TMTC3: variants seen among roughly 807,000 people sequenced by gnomAD.
TMTC3 encodes the protein protein O-mannosyl-transferase TMTC3.
In TMTC3, 52 loss-of-function variants were observed where a neutral mutation model predicts 92.2. The ratio of observed to expected loss-of-function variants is 0.56; its 90% CI spans 0.45 to 0.71. The LOEUF (loss-of-function observed/expected upper bound fraction) is 0.71. Among genes scored for constraint, TMTC3 ranks in the 30% least tolerant of loss-of-function variants. The pLI, the probability that TMTC3 is intolerant of heterozygous loss-of-function variation, is 0.00. For missense variants in TMTC3, 896 were observed against 1,057.1 expected, an observed-to-expected ratio of 0.85 and a Z score of 2.11; for synonymous variants, 339 against 363.3, an observed-to-expected ratio of 0.93 and a Z score of 0.76.
chr12:88,162,984 C>G (rs7954799), intron 6 of TMTC3, among the ~76,000 whole-genome samples: 1 of 150,594 alleles, frequency 6.6e-6, no homozygotes, highest in Admixed American at 6.6e-5. Flanking sequence ...GGCGCAATCT[C>G]GGCTCACCGC....
intron 6 of TMTC3, among the ~76,000 whole-genome samples, chr12:88,161,315 T>C (rs2041076629): frequency 6.6e-6 from 1 of 152,226 alleles, no homozygotes; most frequent in African/African-American, 2.4e-5. Context: ...TTTGTCATTA[T>C]TAAATGAGCT....
At chr12:88,175,045 A>G (rs1192014389) in intron 9 of TMTC3, among the ~76,000 whole-genome samples, 1 of 152,128 alleles carries the variant, frequency 6.6e-6, no homozygotes, top group East Asian at 1.9e-4. Context: ...TTCCTTTTTT[A>G]TATCTCTGAA....
In TMTC3 at chr12:88,196,847, T is replaced by G. The variant is rs914114763; in HGVS notation, c.*1198T>G. 1 of 151,870 alleles carries G rather than the reference T, an allele frequency of 6.6e-6. No homozygotes were observed. Among genetic ancestry groups the G allele is most frequent in the Non-Finnish European group, 1.5e-5 (1 of 67,796 alleles). The allele number at this position is 151,870 out of a possible 1,614,324, so 9.4% of individuals were successfully genotyped here. On this transcript the variant is annotated 3_prime_UTR_variant, in exon 14 of 14. Transcript: ENST00000266712. ...TCATTTTTGGCCTAATGTCTGGATA[T>G]AAAAGATAATTAGCCTACTATAGTA...
chr12:88,163,626 C>T (rs2041106112), intron 6 of TMTC3, among the ~76,000 whole-genome samples: 1 of 152,110 alleles, frequency 6.6e-6, no homozygotes, highest in Non-Finnish European at 1.5e-5. Flanking sequence ...CAGTCTTTGG[C>T]ATTCCTTGGC....
chr12:88,163,247 C>A (rs2041101329), intron 6 of TMTC3, among the ~76,000 whole-genome samples: 1 of 152,078 alleles, frequency 6.6e-6, no homozygotes, highest in Admixed American at 6.6e-5. Flanking sequence ...TTTTGTGGGA[C>A]CACAATAGCA....
intron 13 of TMTC3, among the ~76,000 whole-genome samples, chr12:88,194,108 G>C (rs2041476364): frequency 6.6e-6 from 1 of 152,034 alleles, no homozygotes; most frequent in African/African-American, 2.4e-5. Flanking sequence ...TGTAGTCCCA[G>C]CTACTCGGGA....
intron 11 of TMTC3, among the ~76,000 whole-genome samples, chr12:88,189,921 A>G (rs2041423701): frequency 6.6e-6 from 1 of 152,086 alleles, no homozygotes; most frequent in South Asian, 2.1e-4. Flanking sequence ...GATTAAAATA[A>G]TCCTTAAAAT....
chr12:88,145,165 C>T (rs752246556), intron 1 of TMTC3, among the ~76,000 whole-genome samples: 1 of 152,162 alleles, frequency 6.6e-6, no homozygotes, highest in Non-Finnish European at 1.5e-5. Context: ...TAGCTTACTT[C>T]TCCGATCTCT....
Position 88,183,474 on chromosome 12 carries a change from C to G in TMTC3, c.1433-5369C>G, listed in dbSNP as rs577213007. Among the ~76,000 whole-genome samples the G allele has an allele frequency of 2.6e-5, 4 of 152,304 alleles. No individual in the cohort carries two copies. In the South Asian group the frequency reaches 8.3e-4, roughly 32 times the overall value. On this transcript the variant is annotated intron_variant, in intron 10 of 13. Transcript: ENST00000266712. ...TAGCTATAGTGTATCCCTTGTCTTT[C>G]TTCCAATTTATTGGAGGAGGGGCCT...
Position 88,195,692 on chromosome 12 carries a change from C to A in TMTC3, c.*43C>A. 1 of 1,489,434 alleles carries A rather than the reference C, an allele frequency of 6.7e-7. No homozygotes were observed. The highest frequency in any genetic ancestry group is 9.0e-7 in the Non-Finnish European group (1 of 1,109,890). 92.3% of individuals were successfully genotyped at this position (1,489,434 alleles called of 1,614,324 possible). A position where few individuals can be genotyped will look rare whatever the true frequency, so the allele number is the denominator to read the frequency against. On this transcript the variant is annotated 3_prime_UTR_variant, in exon 14 of 14. Transcript: ENST00000266712. ...ACAATGGTATCAAAGAACATCAATC[C>A]GTATCATGTGATTGCTTTTACTGGG...
chr12:88,171,487 A>T (rs1205680877), intron 7 of TMTC3, among the ~76,000 whole-genome samples: 1 of 152,082 alleles, frequency 6.6e-6, no homozygotes, highest in Admixed American at 6.6e-5. Flanking sequence ...TATTTCTCTT[A>T]ACATGGTGTC....
chr12:88,191,051 A>C (rs963580902), intron 12 of TMTC3, among the ~76,000 whole-genome samples: 3 of 147,774 alleles, frequency 2.0e-5, no homozygotes, highest in African/African-American at 5.1e-5. Flanking sequence ...GGTTCTCAGC[A>C]AAAAAAAAAG....
rs145548996 is a variant in TMTC3 at position 88,180,830 on chromosome 12, A to G, written c.1432+4511A>G. 3.2e-3 allele frequency among the ~76,000 whole-genome samples: 493 copies of G among 152,246 alleles called. 5 individuals carry two copies. Among genetic ancestry groups the G allele is most frequent in the African/African-American group, 0.011 (474 of 41,542 alleles). On this transcript the variant is annotated intron_variant, in intron 10 of 13. Coordinates refer to ENST00000266712, the MANE Select transcript of TMTC3 (RefSeq NM_181783.4). ...CATTTGGACCACACCATACATTACT[A>G]TTTACATCTTTCCATAAAACCACAG... is the stretch of plus-strand genomic sequence containing the variant.
intron 7 of TMTC3, among the ~76,000 whole-genome samples, 165 bp from the exon 8 acceptor site, chr12:88,172,427 TTTAAA>T (rs1319698135): frequency 6.6e-6 from 1 of 151,898 alleles, no homozygotes; most frequent in Non-Finnish European, 1.5e-5. Context: ...CTTCTTTATG[TTTAAA>T]TTAATATTCT....
In TMTC3 at chr12:88,196,865, C is replaced by T. The variant is rs531717630; in HGVS notation, c.*1216C>T. ...CTGGATATAAAAGATAATTAGCCTACTATAGTATTAATAAATTTTTCAGTT... is the reference window on the plus strand; with the variant it reads ...CTGGATATAAAAGATAATTAGCCTATTATAGTATTAATAAATTTTTCAGTT... On this transcript the variant is annotated 3_prime_UTR_variant, in exon 14 of 14. Transcript: ENST00000266712. 16 of 151,630 alleles carry T rather than the reference C, an allele frequency of 1.1e-4. No homozygotes were observed. The highest frequency in any genetic ancestry group is 1.9e-4 in the Non-Finnish European group (13 of 67,772). The allele number at this position is 151,630 out of a possible 1,614,324, so 9.4% of individuals were successfully genotyped here. A position where few individuals can be genotyped will look rare whatever the true frequency, so the allele number is the denominator to read the frequency against.
chr12:88,160,055 T>A, intron 4 of TMTC3, 59 bp from the exon 5 acceptor site: 1 of 1,144,828 alleles, frequency 8.7e-7, no homozygotes, highest in Non-Finnish European at 1.3e-6. Flanking sequence ...TAAAATATCT[T>A]TTTTTGATAT....
intron 7 of TMTC3, among the ~76,000 whole-genome samples, chr12:88,170,059 A>C (rs550021630): frequency 6.6e-6 from 1 of 152,302 alleles, no homozygotes; most frequent in Admixed American, 6.5e-5. Context: ...TCTTTCTACT[A>C]ATATCCTAAC....
rs187175303 is a variant in TMTC3 at position 88,161,438 on chromosome 12, G to T, written c.797+587G>T. Among the ~76,000 whole-genome samples the T allele has an allele frequency of 1.6e-4, 24 of 152,014 alleles. No homozygotes were observed. In the East Asian group the frequency reaches 3.3e-3, roughly 21 times the overall value. On this transcript the variant is annotated intron_variant, in intron 6 of 13. Transcript: ENST00000266712. ...ATCTTTTTACTTTTTACCTGTCTAT[G>T]CTTTTATTTATAAAGAGGATTTCTT...
chr12:88,165,692 A>G (rs1014425029), intron 6 of TMTC3, among the ~76,000 whole-genome samples: 4 of 152,142 alleles, frequency 2.6e-5, no homozygotes, highest in Non-Finnish European at 4.4e-5. Flanking sequence ...ATATAAGCTT[A>G]TATTAGTATT....
Sources: allele counts gnomAD v4.1 joint callset (sites outside exome capture counted in the v4.1 genomes callset), GRCh38; gene constraint gnomAD v4.1.1; transcripts MANE v1.5; gene names NCBI Gene and HGNC (gene_info 2026-07-23, HGNC 2026-07-21).